Variants in CDH4 observed in about 807,000 individuals in gnomAD.
The protein encoded by CDH4 is cadherin 4, also known as cadherin-4.
A neutral mutation model predicts 86.0 loss-of-function variants in CDH4; 33 were observed. That is an observed-to-expected ratio of 0.38 (90% CI 0.29 to 0.51). CDH4 has a LOEUF of 0.51. CDH4 is among the 20% of genes least tolerant of loss of function. The pLI is 0.86. For missense variants in CDH4, 1,114 were observed against 1,307.4 expected (o/e 0.85, Z 2.28); for synonymous variants, 555 against 549.4 (o/e 1.01, Z -0.14).
intron 6 of CDH4, among the ~76,000 whole-genome samples, chr20:61,858,221 C>G (rs1000340883): frequency 1.4e-4 from 20 of 138,466 alleles, no homozygotes; most frequent in Admixed American, 1.4e-4. Flanking sequence ...GTGTCTGTGT[C>G]TCTGTGTCTG....
chr20:61,812,519 C>A (rs1043250622), intron 4 of CDH4, among the ~76,000 whole-genome samples: 4 of 152,172 alleles, frequency 2.6e-5, no homozygotes, highest in African/African-American at 9.7e-5. Context: ...TTGACGTATC[C>A]TTTAACCCCC....
rs1442319923 is a variant in CDH4, at chr20:61,879,119, C to T, written c.1050+5219C>T. Among the ~76,000 whole-genome samples, 2 of 152,236 alleles carry T rather than the reference C, an allele frequency of 1.3e-5. No homozygotes were observed. The highest frequency in any genetic ancestry group is 2.9e-5 in the Non-Finnish European group (2 of 68,044). The stretch of plus-strand genomic sequence containing the variant: ...CCAGGCATTAGTAAACCCACGCAGG[C>T]GGCCACTGACAGCAGTGTAGACGCC... On this transcript the variant is annotated intron_variant, in intron 7 of 15. Coordinates refer to ENST00000614565, the MANE Select transcript of CDH4 (RefSeq NM_001794.5). The surrounding 1 kb of genome is among the most constrained non-coding windows in gnomAD (Gnocchi z 4.1).
At position 61,383,495 on chromosome 20, in the gene CDH4, A is replaced by T. The variant is rs556249186; in HGVS notation, c.169+128558A>T. ...TGAATATATATGATATATATGAAAT[A>T]TATTATATATGATATATATGAATAT... On this transcript the variant is annotated intron_variant, in intron 2 of 15. Transcript: ENST00000614565. 3.2e-3 allele frequency among the ~76,000 whole-genome samples: 221 copies of T among 69,236 alleles called. 34 individuals are homozygous for T. The highest frequency in any genetic ancestry group is 0.015 in the African/African-American group (207 of 13,734). The allele number at this position is 69,236 out of a possible 152,430, so 45.4% of individuals were successfully genotyped here. A position where few individuals can be genotyped will look rare whatever the true frequency, so the allele number is the denominator to read the frequency against.
intron 2 of CDH4, chr20:61,499,579 C>CTGTG: frequency 2.5e-6 from 3 of 1,201,676 alleles, no homozygotes; most frequent in Non-Finnish European, 2.2e-6. Context: ...GACAGTGTCC[C>CTGTG]TGAGGTCACA....
intron 2 of CDH4, among the ~76,000 whole-genome samples, chr20:61,651,611 G>A (rs1358299685): frequency 2.6e-5 from 4 of 152,210 alleles, no homozygotes; most frequent in African/African-American, 9.6e-5. Flanking sequence ...TGTTACCTCA[G>A]GCAGGCGGCC....
intron 2 of CDH4, among the ~76,000 whole-genome samples, chr20:61,641,634 G>T (rs1317620869): frequency 1.3e-5 from 2 of 151,154 alleles, no homozygotes; most frequent in African/African-American, 4.9e-5. Context: ...TGACCCACCA[G>T]GCACCACAGC....
At chr20:61,567,331 T>C (rs1236272055) in intron 2 of CDH4, among the ~76,000 whole-genome samples, 3 of 152,150 alleles carry the variant, frequency 2.0e-5, no homozygotes, top group Non-Finnish European at 4.4e-5. Context: ...AGAAATGTAC[T>C]TTTCACAGTT....
chr20:61,548,494 C>T (rs1487376138), intron 2 of CDH4, among the ~76,000 whole-genome samples: 1 of 151,930 alleles, frequency 6.6e-6, no homozygotes, highest in Non-Finnish European at 1.5e-5. Context: ...TTACAGCCCT[C>T]GAATATTTTA....
At chr20:61,723,775 G>A (rs2088072075) in intron 2 of CDH4, among the ~76,000 whole-genome samples, 1 of 152,204 alleles carries the variant, frequency 6.6e-6, no homozygotes, top group Admixed American at 6.5e-5. Context: ...GTTTACAGAG[G>A]GATCTGGGCT....
At chr20:61,828,618 G>A (rs572873360) in intron 4 of CDH4, among the ~76,000 whole-genome samples, 2 of 152,312 alleles carry the variant, frequency 1.3e-5, no homozygotes, top group East Asian at 3.9e-4. Flanking sequence ...GAAATGGACT[G>A]CTTCCCAAGG....
At chr20:61,561,995 G>A (rs984758470) in intron 2 of CDH4, among the ~76,000 whole-genome samples, 4 of 151,184 alleles carry the variant, frequency 2.6e-5, no homozygotes, top group Non-Finnish European at 5.9e-5. Context: ...CGTGTGGAGA[G>A]GTGGACCCCA....
chr20:61,604,113 G>GTT, intron 2 of CDH4, among the ~76,000 whole-genome samples: 1 of 152,300 alleles, frequency 6.6e-6, no homozygotes, highest in South Asian at 2.1e-4. Flanking sequence ...TTTAGATGCT[G>GTT]TTAACTCCCA....
chr20:61,835,680 C>T (rs767638890), intron 4 of CDH4, among the ~76,000 whole-genome samples: 4 of 152,188 alleles, frequency 2.6e-5, no homozygotes, highest in African/African-American at 7.2e-5. Context: ...TCGTCCCTCC[C>T]GCTGGTTCTA....
Position 61,252,634 on chromosome 20 carries a change from T to G in CDH4, c.57+64T>G. ...CGGGCAGCGGGAGGTCGTCCCCGGA[T>G]CCCGCGGGGCGCTCACACACCCGGC... On this transcript the variant is annotated intron_variant, in intron 1 of 15. Transcript: ENST00000614565. This position sits in a 1 kb window ranked among gnomAD's most constrained non-coding sequence, Gnocchi z 4.4. 9.8e-7 allele frequency: 1 copy of G among 1,016,118 alleles called. No individual in the cohort carries two copies. The highest frequency in any genetic ancestry group is 1.2e-6 in the Non-Finnish European group (1 of 802,840). The allele number at this position is 1,016,118 out of a possible 1,614,324, so 62.9% of individuals were successfully genotyped here. A position where few individuals can be genotyped will look rare whatever the true frequency, so the allele number is the denominator to read the frequency against.
At chr20:61,302,624 C>G (rs900481063) in intron 2 of CDH4, among the ~76,000 whole-genome samples, 2 of 152,124 alleles carry the variant, frequency 1.3e-5, no homozygotes, top group Admixed American at 6.5e-5. Context: ...TGGTGCCTCC[C>G]ATGTCCTGCA....
At chr20:61,737,907 C>A (rs2088284749) in intron 2 of CDH4, among the ~76,000 whole-genome samples, 2 of 152,228 alleles carry the variant, frequency 1.3e-5, no homozygotes, top group Non-Finnish European at 2.9e-5. Context: ...GGTGTTTGCA[C>A]CCCAAGACCA....
At chr20:61,418,539 T>C (rs73148299) in intron 2 of CDH4, among the ~76,000 whole-genome samples, 10,673 of 152,210 alleles carry the variant, frequency 0.07, 447 homozygotes, top group African/African-American at 0.1. Flanking sequence ...GAGGTTATTG[T>C]GTGAGCTGGT....
chr20:61,602,695 A>T (rs1253893642), intron 2 of CDH4, among the ~76,000 whole-genome samples: 1 of 9,686 alleles, frequency 1.0e-4, no homozygotes, highest in Non-Finnish European at 2.2e-4. Context: ...TCACTTTATT[A>T]AAAAAAAAAA....
At chr20:61,416,136 G>C (rs1165478465) in intron 2 of CDH4, among the ~76,000 whole-genome samples, 3 of 151,908 alleles carry the variant, frequency 2.0e-5, no homozygotes, top group South Asian at 4.2e-4. Flanking sequence ...CTAGTAGCTA[G>C]GATTACAGAT....
Sources: allele counts gnomAD v4.1 joint callset (sites outside exome capture counted in the v4.1 genomes callset), GRCh38; gene constraint gnomAD v4.1.1; non-coding constraint Gnocchi (gnomAD v3.1); transcripts MANE v1.5; gene names NCBI Gene and HGNC (gene_info 2026-07-23, HGNC 2026-07-21).